The following MROH2A variants were observed in gnomAD, a reference collection of about 807,000 sequenced individuals.
MROH2A encodes maestro heat like repeat family member 2A, also known as maestro heat-like repeat-containing protein family member 2A.
In MROH2A, 174 loss-of-function variants were observed where a neutral mutation model predicts 200.4. The ratio of observed to expected loss-of-function variants is 0.87; its 90% CI spans 0.77 to 0.98. The LOEUF (loss-of-function observed/expected upper bound fraction) is 0.98. Among genes scored for constraint, MROH2A ranks in the 50% least tolerant of loss-of-function variants. The pLI, the probability that MROH2A is intolerant of heterozygous loss-of-function variation, is 0.00. For missense variants in MROH2A, 2,045 were observed against 2,139.6 expected (o/e 0.96, Z 0.87); for synonymous variants, 829 against 840.4 (o/e 0.99, Z 0.23).
chr2:233,805,306 C>T (rs1026038807), intron 19 of MROH2A, among the ~76,000 whole-genome samples, 195 bp downstream of exon 19: 1 of 152,176 alleles, frequency 6.6e-6, no homozygotes, highest in African/African-American at 2.4e-5. Context: ...TTTTGTTGAT[C>T]CTCCAGATTC....
intron 23 of MROH2A, among the ~76,000 whole-genome samples, 191 bp downstream of exon 23, chr2:233,811,107 C>T (rs1559467075): frequency 1.3e-5 from 2 of 152,162 alleles, no homozygotes; most frequent in Non-Finnish European, 2.9e-5. Flanking sequence ...GTTTCACAGC[C>T]AGTCAACTGT....
At chr2:233,783,497 G>C (rs1443341060) in intron 3 of MROH2A, among the ~76,000 whole-genome samples, 3 of 152,008 alleles carry the variant, frequency 2.0e-5, no homozygotes, top group African/African-American at 4.8e-5. Flanking sequence ...TTTCAAATTT[G>C]TTGGCATGTA....
At chr2:233,827,766 C>A (rs1472371176) in intron 35 of MROH2A, among the ~76,000 whole-genome samples, 1 of 151,742 alleles carries the variant, frequency 6.6e-6, no homozygotes, top group Non-Finnish European at 1.5e-5. Flanking sequence ...GTTTAAGAAG[C>A]AAGCTATTTA....
In MROH2A at chr2:233,799,857, G is replaced by A; in HGVS notation, c.1407G>A (p.Leu469=). ...AGGAGAGAATCAAAGGCTGGGGCCT[G>A]AAGTACCTGTCTGTGCAGCTGACCT... ...GYQERIKGWG[L]KYLSVQLTLS... Residue 469 remains leucine, a synonymous_variant, in exon 13 of 42, where the codon CTG becomes CTA. Transcript: ENST00000389758. 2 of 1,550,546 alleles carry A rather than the reference G, an allele frequency of 1.3e-6. No individual in the cohort carries two copies. Among genetic ancestry groups the A allele is most frequent in the Non-Finnish European group, 8.7e-7 (1 of 1,146,990 alleles).
chr2:233,827,823 ATGCT>A (rs1704419390), intron 35 of MROH2A, among the ~76,000 whole-genome samples: 1 of 151,634 alleles, frequency 6.6e-6, no homozygotes, highest in African/African-American at 2.4e-5. Context: ...TTTTTTTTTA[ATGCT>A]TGCTGACAAT....
chr2:233,799,606 G>T (rs1702327783), intron 12 of MROH2A, among the ~76,000 whole-genome samples, 174 bp from the exon 13 acceptor site: 2 of 152,142 alleles, frequency 1.3e-5, no homozygotes, highest in African/African-American at 4.8e-5. Flanking sequence ...GCATGCTGCA[G>T]AGTGGGACCC....
chr2:233,807,389 G>C lies in MROH2A; in HGVS notation c.2053-34G>C, dbSNP rs980632082. On this transcript the variant is annotated intron_variant, in intron 19 of 41. Coordinates refer to ENST00000389758, the MANE Select transcript of MROH2A (RefSeq NM_001394639.1). The surrounding 1 kb of genome is among the most constrained non-coding windows in gnomAD (Gnocchi z 4.3). Reference sequence around the variant, plus strand: ...ACCCCCTGAAGGCTGGCTGTAGGGAGGCCTGAGCTCCTTCCTCCCTTCTGC... The same window carrying C: ...ACCCCCTGAAGGCTGGCTGTAGGGACGCCTGAGCTCCTTCCTCCCTTCTGC... 2.0e-6 allele frequency: 3 copies of C among 1,534,424 alleles called. No individual in the cohort carries two copies. The highest frequency in any genetic ancestry group is 1.7e-4 in the Middle Eastern group (1 of 5,870).
At chr2:233,800,129 G>T in intron 13 of MROH2A, 76 bp from the exon 14 acceptor site, 1 of 1,164,434 alleles carries the variant, frequency 8.6e-7, no homozygotes, top group Non-Finnish European at 1.2e-6. Context: ...CCCCTGGGGA[G>T]TGAGGAGACC....
chr2:233,822,891 A>C lies in MROH2A; in HGVS notation c.3877A>C (p.Lys1293Gln). ...CCCACCTCCCTTCAGGGTCACTATC[A>C]AGTCCATGCAGCTCTTGTTCAAGAG... is the stretch of plus-strand genomic sequence containing the variant. ...EEMNLQRVTI[K>Q]SMQLLFKRVK... The change falls in exon 34 of 42, where the codon AAG becomes CAG. Residue 1293 changes from lysine to glutamine, a missense_variant. Transcript: ENST00000389758. 6.4e-7 allele frequency: 1 copy of C among 1,550,558 alleles called. No individual in the cohort carries two copies. The highest frequency in any genetic ancestry group is 2.4e-5 in the East Asian group (1 of 40,908).
intron 11 of MROH2A, among the ~76,000 whole-genome samples, chr2:233,797,272 G>A (rs998050605): frequency 7.2e-5 from 11 of 152,262 alleles, no homozygotes; most frequent in South Asian, 2.1e-4. Flanking sequence ...AATTGGATAC[G>A]GACCAACATT....
At chr2:233,814,541 C>G (rs761976030) in intron 25 of MROH2A, 41 bp from the exon 26 acceptor site, 21 of 1,453,130 alleles carry the variant, frequency 1.4e-5, no homozygotes, top group Non-Finnish European at 2.0e-5. Context: ...GTTGTGGGTG[C>G]CCCTCATTGC....
Position 233,789,535 on chromosome 2 carries a change from C to G in MROH2A, c.315C>G (p.Leu105=). 1 of 1,482,400 alleles carries G rather than the reference C, an allele frequency of 6.7e-7. No homozygotes were observed. Among genetic ancestry groups the G allele is most frequent in the Non-Finnish European group, 9.0e-7 (1 of 1,115,752 alleles). 91.8% of individuals were successfully genotyped at this position (1,482,400 alleles called of 1,614,324 possible). A position where few individuals can be genotyped will look rare whatever the true frequency, so the allele number is the denominator to read the frequency against. The stretch of plus-strand genomic sequence containing the variant: ...GCAAGGTCAACATTTACAACATCCT[C>G]CAGGACATCATCCAGCAGGAGGGGG... ...TQRKVNIYNI[L]QDIIQQEGEL... is the part of the protein sequence containing the mutation. Residue 105 remains leucine, a synonymous_variant, in exon 4 of 42, where the codon CTC becomes CTG. Transcript: ENST00000389758.
At chr2:233,777,592 G>C (rs1255821391), upstream of MROH2A, among the ~76,000 whole-genome samples, 1 of 152,372 alleles carries the variant, frequency 6.6e-6, no homozygotes, top group East Asian at 1.9e-4. Context: ...GAAGTAGAAA[G>C]AGGCTGGTCC....
At chr2:233,815,029 C>T (rs1174540749) in intron 26 of MROH2A, among the ~76,000 whole-genome samples, 4 of 152,122 alleles carry the variant, frequency 2.6e-5, no homozygotes, top group Non-Finnish European at 4.4e-5. Context: ...AATGTTGACA[C>T]GATGCATGTA....
rs1700819062 is a variant in MROH2A at position 233,779,327 on chromosome 2, T to C, written c.-14-18T>C. The C allele has an allele frequency of 6.8e-7, 1 of 1,476,084 alleles. No individual in the cohort carries two copies. The highest frequency in any genetic ancestry group is 9.3e-7 in the Non-Finnish European group (1 of 1,079,190). 91.4% of individuals were successfully genotyped at this position (1,476,084 alleles called of 1,614,324 possible). On this transcript the variant is annotated intron_variant, in intron 1 of 41. Transcript: ENST00000389758. ...TGTGTCACACCCCGTATTTTACAAA[T>C]TCTGTTGATCTCAAAAGAGCTTGAG...
At position 233,807,703 on chromosome 2, in the gene MROH2A, C is replaced by G; in HGVS notation, c.2173-30C>G. On this transcript the variant is annotated intron_variant, in intron 20 of 41. Transcript: ENST00000389758. The surrounding 1 kb of genome is among the most constrained non-coding windows in gnomAD (Gnocchi z 4.3). ...CCTCCTCTGCCCACTGGCCCCTGCCCTCACCCTGGCTGGCTGGGTCTCCCT... is the reference window on the plus strand; with the variant it reads ...CCTCCTCTGCCCACTGGCCCCTGCCGTCACCCTGGCTGGCTGGGTCTCCCT... 1 of 1,550,590 alleles carries G rather than the reference C, an allele frequency of 6.4e-7. No homozygotes were observed. Among genetic ancestry groups the G allele is most frequent in the Non-Finnish European group, 8.7e-7 (1 of 1,146,968 alleles).
At position 233,800,734 on chromosome 2, in the gene MROH2A, CAG is replaced by C. The variant is rs1253570411; in HGVS notation, c.1560+422_1560+423del. 7.9e-5 allele frequency among the ~76,000 whole-genome samples: 12 copies of C among 152,014 alleles called. No individual in the cohort carries two copies. In the Middle Eastern group the frequency reaches 0.01, roughly 129 times the overall value. On this transcript the variant is annotated intron_variant, in intron 14 of 41. Coordinates refer to ENST00000389758, the MANE Select transcript of MROH2A (RefSeq NM_001394639.1). Reference sequence around the variant, plus strand: ...AGTTCTAACTCTGTGAAAGACAGGACAGAGGAGTGTGCACTAGGAGGACTCAG... The same window carrying C: ...AGTTCTAACTCTGTGAAAGACAGGACAGGAGTGTGCACTAGGAGGACTCAG...
At chr2:233,804,957 G>C (rs1465308818) in intron 18 of MROH2A, 47 bp from the exon 19 acceptor site, 2 of 1,163,258 alleles carry the variant, frequency 1.7e-6, no homozygotes, top group Admixed American at 4.1e-5. Flanking sequence ...GCAAGAACAA[G>C]GATGAAGGCC....
Position 233,829,601 on chromosome 2 carries a change from G to A in MROH2A, c.4447-19G>A. On this transcript the variant is annotated intron_variant, in intron 37 of 41. Transcript: ENST00000389758. ...CTTCCTGCTGCCTGCATGTCAGCCT[G>A]TGTCCATCCTGGCCACAGGAGAGCG... 1 of 1,380,974 alleles carries A rather than the reference G, an allele frequency of 7.2e-7. No individual in the cohort carries two copies. The highest frequency in any genetic ancestry group is 1.8e-5 in the South Asian group (1 of 55,820). 85.5% of individuals were successfully genotyped at this position (1,380,974 alleles called of 1,614,324 possible).
Sources: gnomAD v4.1 joint callset for allele counts (sites outside exome capture counted in the v4.1 genomes callset) on GRCh38, gnomAD v4.1.1 for gene constraint, Gnocchi (gnomAD v3.1) non-coding constraint, MANE v1.5 for transcripts, NCBI Gene and HGNC (gene_info 2026-07-23, HGNC 2026-07-21) for gene names.